The following DNAH12 variants were observed in gnomAD, a reference collection of about 807,000 sequenced individuals.
DNAH12 encodes axonemal beta dynein heavy chain 12.
Under a neutral mutation model 371.5 loss-of-function variants are expected in DNAH12, and 285 were observed. That is an observed-to-expected ratio of 0.77 (90% confidence interval 0.70 to 0.85). DNAH12 has a LOEUF of 0.85. Ranked by LOEUF, DNAH12 falls within the 40% of genes least tolerant of loss-of-function variation. The probability of loss-of-function intolerance (pLI) is 0.00; values close to 1 mark genes in which losing one functional copy is unlikely to be tolerated. For missense variants in DNAH12, 3,611 were observed against 3,689.4 expected (o/e 0.98, Z 0.55); for synonymous variants, 1,200 against 1,213.0 (o/e 0.99, Z 0.22).
chr3:57,435,102 T>C (rs371046546), intron 30 of DNAH12, among the ~76,000 whole-genome samples: 7 of 152,304 alleles, frequency 4.6e-5, no homozygotes, highest in Admixed American at 2.6e-4. Context: ...ATGGGCCGGG[T>C]GGCTCATGCC....
intron 10 of DNAH12, among the ~76,000 whole-genome samples, chr3:57,502,084 T>G (rs1288728807): frequency 6.6e-6 from 1 of 152,020 alleles, no homozygotes; most frequent in Admixed American, 6.6e-5. Flanking sequence ...TTTTTTGTAT[T>G]TTTTAGTAGA....
At chr3:57,507,361 C>A (rs1575703382) in intron 8 of DNAH12, among the ~76,000 whole-genome samples, 1 of 152,012 alleles carries the variant, frequency 6.6e-6, no homozygotes, top group East Asian at 1.9e-4. Flanking sequence ...TAGAATAGTT[C>A]TTTTGTTAAC....
chr3:57,302,559 A>T (rs866517378), intron 69 of DNAH12, among the ~76,000 whole-genome samples: 821 of 61,328 alleles, frequency 0.013, 58 homozygotes, highest in East Asian at 0.031. Context: ...ATATATATAT[A>T]TATATGTATT....
intron 35 of DNAH12, 114 bp from the exon 36 acceptor site, chr3:57,421,820 G>A (rs538108863): frequency 4.6e-5 from 54 of 1,167,132 alleles, no homozygotes; most frequent in African/African-American, 1.1e-4. Flanking sequence ...GAACAAGGTC[G>A]TAAGTGTAAA....
At chr3:57,309,041 C>T in intron 69 of DNAH12, 110 bp downstream of exon 69, 1 of 746,604 alleles carries the variant, frequency 1.3e-6, no homozygotes, top group Non-Finnish European at 2.1e-6. Flanking sequence ...ATTCTCTCTT[C>T]ATACCACCCT....
intron 43 of DNAH12, among the ~76,000 whole-genome samples, chr3:57,394,539 A>C (rs1361001501): frequency 6.6e-6 from 1 of 152,140 alleles, no homozygotes; most frequent in African/African-American, 2.4e-5. Context: ...CCAAAACCCT[A>C]GACATAATCA....
chr3:57,403,151 G>T (rs1553679586), intron 43 of DNAH12, among the ~76,000 whole-genome samples, 158 bp downstream of exon 43: 1 of 152,072 alleles, frequency 6.6e-6, no homozygotes, highest in African/African-American at 2.4e-5. Context: ...AAAGCACTCA[G>T]GACAGAACTC....
intron 30 of DNAH12, among the ~76,000 whole-genome samples, chr3:57,436,037 GA>G (rs1166632092): frequency 1.3e-5 from 2 of 151,608 alleles, no homozygotes; most frequent in Admixed American, 6.6e-5. Context: ...GCCCAGAGAA[GA>G]AAATGGAAAT....
chr3:57,474,961 C>T (rs1001229322), intron 13 of DNAH12, among the ~76,000 whole-genome samples: 3 of 122,284 alleles, frequency 2.5e-5, no homozygotes, highest in Admixed American at 8.4e-5. Context: ...AGCGACAGAG[C>T]GAGACTCTTT....
At chr3:57,529,693 T>G (rs1017355860) in intron 2 of DNAH12, among the ~76,000 whole-genome samples, 1 of 152,212 alleles carries the variant, frequency 6.6e-6, no homozygotes, top group Non-Finnish European at 1.5e-5. Context: ...ACTTTCTGTT[T>G]CATTCATCTT....
chr3:57,320,885 A>T (rs1041760006), intron 65 of DNAH12, among the ~76,000 whole-genome samples: 3 of 152,196 alleles, frequency 2.0e-5, no homozygotes, highest in African/African-American at 7.2e-5. Context: ...TTGTACTACC[A>T]GAGAAGTTGC....
intron 13 of DNAH12, among the ~76,000 whole-genome samples, chr3:57,472,887 T>C (rs1328394181): frequency 6.6e-6 from 1 of 152,196 alleles, no homozygotes; most frequent in African/African-American, 2.4e-5. Context: ...ACTTTTATGC[T>C]AGAAATAAGG....
rs1407752332 is a variant in DNAH12, at chr3:57,507,741, C to A, written c.799G>T (p.Val267Phe). Residue 267 changes from valine (V) to phenylalanine (F), a missense_variant, in exon 8 of 74, where the codon GTT becomes TTT. This residue lies in a region of DNAH12 where 1,314 missense variants were observed against 1,398.7 expected (regional missense o/e 0.94). Transcript: ENST00000495027. ...TCCTTCTTGGTAAAGAGATTTATAA[C>A]CTTTGGATACCATGTATTCATTATC... ...EKIMNTWYPK[V>F]INLFTKKEAL... 1 of 1,611,550 alleles carries A rather than the reference C, an allele frequency of 6.2e-7. No homozygotes were observed. The highest frequency in any genetic ancestry group is 1.1e-5 in the South Asian group (1 of 90,308).
intron 25 of DNAH12, among the ~76,000 whole-genome samples, chr3:57,447,960 C>G (rs1575613275): frequency 6.6e-6 from 1 of 152,204 alleles, no homozygotes; most frequent in African/African-American, 2.4e-5. Flanking sequence ...TAGGCATGAG[C>G]TACCACACCT....
In DNAH12 at chr3:57,526,813, C is replaced by T. The variant is rs539526924; in HGVS notation, c.171-2929G>A. Among the ~76,000 whole-genome samples the T allele has an allele frequency of 4.6e-5, 7 of 151,798 alleles. No individual in the cohort carries two copies. The South Asian group carries it at 1.2e-3, about 27-fold the overall frequency. ...GCTGGGATTATAGGCGTGAGCACTG[C>T]GCCCGGCCTCTTTTTTGTTGTTGTT... is the stretch of plus-strand genomic sequence containing the variant. On this transcript the variant is annotated intron_variant, in intron 2 of 73. Coordinates refer to ENST00000495027, the MANE Select transcript of DNAH12 (RefSeq NM_001366028.2).
At position 57,425,091 on chromosome 3, in the gene DNAH12, GA is replaced by G. The variant is rs1456373056; in HGVS notation, c.5303del (p.Leu1768ProfsTer10). ...CCACATTGCAAAGTAGCACTTCAAA[GA>G]GGCGTGTGAGAGATACAACCACGTT... Reference protein sequence around the residue: ...NSNVVVSLTRLFEVLLCNVVE... With the variant: ...NSNVVVSLTRXFEVLLCNVVE... On this transcript the variant is annotated frameshift_variant, in exon 35 of 74. Coordinates refer to ENST00000495027, the MANE Select transcript of DNAH12 (RefSeq NM_001366028.2). LOFTEE classifies it high-confidence loss of function. 2.8e-6 allele frequency: 2 copies of G among 702,730 alleles called. No individual in the cohort carries two copies. Among genetic ancestry groups the G allele is most frequent in the African/African-American group, 3.5e-5 (2 of 57,262 alleles). The allele number at this position is 702,730 out of a possible 1,614,324, so 43.5% of individuals were successfully genotyped here.
intron 51 of DNAH12, among the ~76,000 whole-genome samples, chr3:57,379,859 AAAAAAAAAAAG>A (rs2063352016): frequency 6.7e-6 from 1 of 150,330 alleles, no homozygotes; most frequent in Non-Finnish European, 1.5e-5. Flanking sequence ...AAAAAAAAAA[AAAAAAAAAAAG>A]ACATAAGTTG....
chr3:57,313,618 A>T (rs987635823), intron 66 of DNAH12, among the ~76,000 whole-genome samples: 119 of 152,142 alleles, frequency 7.8e-4, no homozygotes, highest in African/African-American at 2.9e-3. Context: ...ATGCCACTGC[A>T]CTCCAGCCTG....
chr3:57,317,058 A>G (rs1027060252), intron 65 of DNAH12, among the ~76,000 whole-genome samples: 5 of 152,192 alleles, frequency 3.3e-5, no homozygotes, highest in Non-Finnish European at 5.9e-5. Flanking sequence ...CAAGGCTTAT[A>G]TATTTAAACT....
Sources: gnomAD v4.1 joint callset for allele counts (sites outside exome capture counted in the v4.1 genomes callset) on GRCh38, gnomAD v4.1.1 for gene constraint, gnomAD v4.1.1 regional missense constraint, MANE v1.5 for transcripts, NCBI Gene and HGNC (gene_info 2026-07-23, HGNC 2026-07-21) for gene names.